The following NR1H4 variants were observed in gnomAD, a reference collection of about 807,000 sequenced individuals.
NR1H4 encodes bile acid receptor.
NR1H4 carries 23 observed loss-of-function variants against 58.5 expected under a neutral mutation model. That is an observed-to-expected ratio of 0.39 (90% CI 0.28 to 0.56). The LOEUF (loss-of-function observed/expected upper bound fraction) is 0.56, where lower values mean the gene tolerates loss of function less well. Among genes scored for constraint, NR1H4 ranks in the 20% least tolerant of loss-of-function variants. The probability of loss-of-function intolerance (pLI) is 0.58; values close to 1 mark genes in which losing one functional copy is unlikely to be tolerated. For missense variants in NR1H4, 487 were observed against 576.9 expected (o/e 0.84, Z 1.60); for synonymous variants, 214 against 198.0 (o/e 1.08, Z -0.68).
intron 9 of NR1H4, among the ~76,000 whole-genome samples, chr12:100,550,941 A>G (rs780037746): frequency 3.9e-5 from 6 of 152,202 alleles, no homozygotes; most frequent in African/African-American, 9.6e-5. Flanking sequence ...TTTATAAAAT[A>G]TCCTATTTTA....
intron 9 of NR1H4, among the ~76,000 whole-genome samples, chr12:100,545,418 T>C (rs1053320704): frequency 1.3e-5 from 2 of 151,952 alleles, no homozygotes; most frequent in African/African-American, 4.8e-5. Context: ...GGCAGGAAGA[T>C]TGCTTGAGCC....
At chr12:100,486,931 G>C (rs922388179) in intron 1 of NR1H4, among the ~76,000 whole-genome samples, 3 of 152,062 alleles carry the variant, frequency 2.0e-5, no homozygotes, top group Admixed American at 2.0e-4. Context: ...GTAATTTAAA[G>C]GCATGTAGTA....
At chr12:100,534,805 G>T in intron 5 of NR1H4, 85 bp from the exon 6 acceptor site, 1 of 1,499,070 alleles carries the variant, frequency 6.7e-7, no homozygotes, top group Middle Eastern at 1.7e-4. Context: ...GATCTTCTGG[G>T]CCAGGTACAT....
At chr12:100,488,476 A>T (rs1953541914) in intron 1 of NR1H4, among the ~76,000 whole-genome samples, 1 of 152,246 alleles carries the variant, frequency 6.6e-6, no homozygotes, top group Admixed American at 6.5e-5. Context: ...TAAATCCTGA[A>T]ATTTTAAAAA....
intron 1 of NR1H4, among the ~76,000 whole-genome samples, chr12:100,492,295 T>G (rs750909762): frequency 6.6e-6 from 1 of 152,096 alleles, no homozygotes; most frequent in Non-Finnish European, 1.5e-5. Flanking sequence ...GAAATCCTAA[T>G]GAAATACATA....
intron 3 of NR1H4, among the ~76,000 whole-genome samples, chr12:100,502,731 T>C (rs1165442843): frequency 7.9e-5 from 12 of 152,196 alleles, no homozygotes; most frequent in Non-Finnish European, 4.4e-5. Flanking sequence ...GCATGAGATA[T>C]TCAGTTCTTT....
intron 9 of NR1H4, among the ~76,000 whole-genome samples, chr12:100,557,853 T>G (rs761602103): frequency 6.6e-6 from 1 of 152,228 alleles, no homozygotes; most frequent in Non-Finnish European, 1.5e-5. Flanking sequence ...GGATCTGGTT[T>G]GGAAGAAATG....
At position 100,541,235 on chromosome 12, in the gene NR1H4, A is replaced by C. The variant is rs565481757; in HGVS notation, c.1078+417A>C. Among the ~76,000 whole-genome samples, 11 of 152,130 alleles carry C rather than the reference A, an allele frequency of 7.2e-5. No homozygotes were observed. The South Asian group carries it at 2.3e-3, about 32-fold the overall frequency. On this transcript the variant is annotated intron_variant, in intron 9 of 10. Coordinates refer to ENST00000392986, the MANE Select transcript of NR1H4 (RefSeq NM_001206979.2). ...AATAAGAAGACATTTTAATAGCAAC[A>C]TTTATATGTCATTTACTAGGTCTCA...
chr12:100,563,679 T>A lies in NR1H4; in HGVS notation c.*190T>A, dbSNP rs529055270. 1.7e-6 allele frequency: 1 copy of A among 594,488 alleles called. No homozygotes were observed. The highest frequency in any genetic ancestry group is 2.8e-5 in the East Asian group (1 of 35,828). 36.8% of individuals were successfully genotyped at this position (594,488 alleles called of 1,614,324 possible). On this transcript the variant is annotated 3_prime_UTR_variant, in exon 11 of 11. Coordinates refer to ENST00000392986, the MANE Select transcript of NR1H4 (RefSeq NM_001206979.2). ...TAGAACAACTTTCTCTACATTGTGT[T>A]TTAAAAGGCTCCAGGGAATCCTGCA...
chr12:100,504,813 T>C (rs1410569684), intron 3 of NR1H4, among the ~76,000 whole-genome samples: 1 of 152,344 alleles, frequency 6.6e-6, no homozygotes, highest in East Asian at 1.9e-4. Flanking sequence ...TAGTATCTCA[T>C]ACCATCTCAA....
intron 9 of NR1H4, among the ~76,000 whole-genome samples, chr12:100,547,635 C>T (rs967514698): frequency 2.0e-5 from 3 of 152,114 alleles, no homozygotes; most frequent in Non-Finnish European, 4.4e-5. Flanking sequence ...TTTCTGGCTG[C>T]CACATATTGC....
At chr12:100,481,124 G>A (rs557140192) in intron 1 of NR1H4, among the ~76,000 whole-genome samples, 15 of 152,248 alleles carry the variant, frequency 9.9e-5, no homozygotes, top group African/African-American at 2.6e-4. Flanking sequence ...AAGGGCTAGC[G>A]AAACAGACTT....
rs776845009 is a variant in NR1H4 at position 100,503,381 on chromosome 12, G to C, written c.80-7397G>C. On this transcript the variant is annotated intron_variant, in intron 3 of 10. Coordinates refer to ENST00000392986, the MANE Select transcript of NR1H4 (RefSeq NM_001206979.2). ...TCTCATTTTCAGTGGCTGTGAATAA[G>C]CTAAGAATGGTAATGCAGTTTCAGG... is the stretch of plus-strand genomic sequence containing the variant. The C allele has an allele frequency of 3.1e-6, 5 of 1,595,646 alleles. No homozygotes were observed. The East Asian group carries it at 8.9e-5, about 28-fold the overall frequency.
intron 4 of NR1H4, among the ~76,000 whole-genome samples, chr12:100,528,195 G>T (rs1033559087): frequency 6.6e-6 from 1 of 152,206 alleles, no homozygotes; most frequent in Non-Finnish European, 1.5e-5. Flanking sequence ...AGTCTGGCAC[G>T]TGCATGTGTA....
rs916445856 is a variant in NR1H4, at chr12:100,543,386, G to A, written c.1078+2568G>A. 7.2e-5 allele frequency among the ~76,000 whole-genome samples: 11 copies of A among 152,164 alleles called. No individual in the cohort carries two copies. The East Asian group carries it at 1.9e-3, about 27-fold the overall frequency. ...TTTACAAATTTTCTAGCAGTGTTAGGGTAAGCCAGAACAGAAGTCACCTCT... is the reference window on the plus strand; with the variant it reads ...TTTACAAATTTTCTAGCAGTGTTAGAGTAAGCCAGAACAGAAGTCACCTCT... On this transcript the variant is annotated intron_variant, in intron 9 of 10. Coordinates refer to ENST00000392986, the MANE Select transcript of NR1H4 (RefSeq NM_001206979.2).
At chr12:100,479,757 A>G (rs958503978) in intron 1 of NR1H4, among the ~76,000 whole-genome samples, 26 of 152,198 alleles carry the variant, frequency 1.7e-4, no homozygotes, top group Admixed American at 1.5e-3. Context: ...CTCATTTCCT[A>G]TAGCCCCTCC....
chr12:100,532,663 G>A, intron 5 of NR1H4, 53 bp downstream of exon 5: 3 of 1,521,436 alleles, frequency 2.0e-6, no homozygotes, highest in Non-Finnish European at 2.7e-6. Flanking sequence ...GGAGGCAGAT[G>A]TCAGGTAACT....
In NR1H4 at chr12:100,537,143, A is replaced by G. The variant is rs533398498; in HGVS notation, c.931+96A>G. On this transcript the variant is annotated intron_variant, in intron 8 of 10. Coordinates refer to ENST00000392986, the MANE Select transcript of NR1H4 (RefSeq NM_001206979.2). ...TTTTACATACGGTGTTTTAATTTTC[A>G]AAACATTCCTGTGAGATCAGCTCTA... 335 of 806,532 alleles carry G rather than the reference A, an allele frequency of 4.2e-4. 1 individual carries two copies. Among genetic ancestry groups the G allele is most frequent in the Non-Finnish European group, 1.7e-5 (8 of 479,760 alleles). 50.0% of individuals were successfully genotyped at this position (806,532 alleles called of 1,614,324 possible).
At chr12:100,528,083 A>G (rs1019021134) in intron 4 of NR1H4, among the ~76,000 whole-genome samples, 4 of 152,214 alleles carry the variant, frequency 2.6e-5, no homozygotes, top group Admixed American at 6.5e-5. Flanking sequence ...TGCTATTTTA[A>G]AAGCCTGTAG....
Sources: gnomAD v4.1 joint callset for allele counts (sites outside exome capture counted in the v4.1 genomes callset) on GRCh38, gnomAD v4.1.1 for gene constraint, MANE v1.5 for transcripts, NCBI Gene and HGNC (gene_info 2026-07-23, HGNC 2026-07-21) for gene names.